The following PDE3B variants were observed in gnomAD, a reference collection of about 807,000 sequenced individuals.
The protein encoded by PDE3B is cGMP-inhibited 3',5'-cyclic phosphodiesterase 3B.
PDE3B carries 66 observed loss-of-function variants against 116.8 expected under a neutral mutation model. That is an observed-to-expected ratio of 0.56 (90% CI 0.46 to 0.69). PDE3B has a LOEUF of 0.69. PDE3B is among the 30% of genes least tolerant of loss of function. The pLI is 0.00. For synonymous variants in PDE3B, 595 were observed against 533.6 expected (o/e 1.12, Z -1.59); for missense variants, 1,384 against 1,368.1 (o/e 1.01, Z -0.18).
chr11:14,670,876 AT>A (rs967592201), intron 1 of PDE3B, among the ~76,000 whole-genome samples: 103 of 145,582 alleles, frequency 7.1e-4, no homozygotes, highest in South Asian at 6.5e-3. Flanking sequence ...GATACGTATA[AT>A]TTTTTTTTTT....
chr11:14,734,320 C>T (rs1856540158), intron 1 of PDE3B, among the ~76,000 whole-genome samples: 1 of 152,204 alleles, frequency 6.6e-6, no homozygotes, highest in African/African-American at 2.4e-5. Flanking sequence ...CGCCTCCAGC[C>T]TCCAGCTCCC....
intron 1 of PDE3B, among the ~76,000 whole-genome samples, chr11:14,657,744 TTAATG>T (rs1453462528): frequency 2.0e-5 from 3 of 152,172 alleles, no homozygotes; most frequent in Non-Finnish European, 2.9e-5. Context: ...TCTTAGGAGT[TTAATG>T]TAAGATAAAA....
intron 1 of PDE3B, among the ~76,000 whole-genome samples, chr11:14,738,325 A>G (rs1281424940): frequency 6.6e-6 from 1 of 152,122 alleles, no homozygotes; most frequent in Non-Finnish European, 1.5e-5. Context: ...CTGGCGTGAG[A>G]TGGTATCTCA....
At chr11:14,842,666 T>G (rs1847499929) in intron 11 of PDE3B, among the ~76,000 whole-genome samples, 1 of 152,132 alleles carries the variant, frequency 6.6e-6, no homozygotes, top group African/African-American at 2.4e-5. Context: ...AGATGAGGAA[T>G]TAGAGGGTGT....
chr11:14,725,085 A>C (rs191216726), intron 1 of PDE3B, among the ~76,000 whole-genome samples: 1 of 152,336 alleles, frequency 6.6e-6, no homozygotes, highest in African/African-American at 2.4e-5. Context: ...CTAGAAGAGG[A>C]ACAAGGCTTT....
At chr11:14,734,789 T>G (rs1856554194) in intron 1 of PDE3B, among the ~76,000 whole-genome samples, 1 of 152,190 alleles carries the variant, frequency 6.6e-6, no homozygotes, top group South Asian at 2.1e-4. Flanking sequence ...ATCTCCTCTT[T>G]TTTTTTGTTA....
the PDE3B span, chr11:14,891,663 G>C: frequency 8.6e-7 from 1 of 1,161,262 alleles, no homozygotes; most frequent in African/African-American, 1.6e-5. Flanking sequence ...CTGAAGTGGC[G>C]GCGCGGCTGG....
At chr11:14,668,421 G>C (rs1170987804) in intron 1 of PDE3B, among the ~76,000 whole-genome samples, 2 of 151,948 alleles carry the variant, frequency 1.3e-5, no homozygotes, top group African/African-American at 4.8e-5. Context: ...TTTGCATTAT[G>C]TTAAACCCTG....
At chr11:14,726,051 C>T (rs1393795031) in intron 1 of PDE3B, among the ~76,000 whole-genome samples, 1 of 152,098 alleles carries the variant, frequency 6.6e-6, no homozygotes. Context: ...AGTATTATTC[C>T]AGACTTCAGG....
At chr11:14,791,942 T>A (rs1431763513) in intron 4 of PDE3B, among the ~76,000 whole-genome samples, 1 of 152,218 alleles carries the variant, frequency 6.6e-6, no homozygotes, top group Non-Finnish European at 1.5e-5. Context: ...AGAGTTGTTA[T>A]ACTCTATTTT....
At chr11:14,850,698 A>G (rs1473581390) in intron 12 of PDE3B, among the ~76,000 whole-genome samples, 1 of 152,188 alleles carries the variant, frequency 6.6e-6, no homozygotes, top group East Asian at 1.9e-4. Flanking sequence ...TGTACCTAGT[A>G]TAGCTGGTAA....
intron 1 of PDE3B, among the ~76,000 whole-genome samples, chr11:14,737,893 T>C (rs1856647075): frequency 6.6e-6 from 1 of 151,786 alleles, no homozygotes; most frequent in African/African-American, 2.4e-5. Context: ...CTTGGGGTAG[T>C]TTACTGAGAA....
At chr11:14,741,235 T>C (rs1195514531) in intron 1 of PDE3B, among the ~76,000 whole-genome samples, 1 of 152,126 alleles carries the variant, frequency 6.6e-6, no homozygotes, top group Non-Finnish European at 1.5e-5. Flanking sequence ...TGTCGGAGTC[T>C]AAGTCTCTTT....
At chr11:14,801,106 T>G (rs1304654990) in intron 4 of PDE3B, among the ~76,000 whole-genome samples, 1 of 152,168 alleles carries the variant, frequency 6.6e-6, no homozygotes, top group Non-Finnish European at 1.5e-5. Context: ...ACATGCTCCT[T>G]TAGCTCGGAT....
chr11:14,752,153 C>A (rs1282179062), intron 1 of PDE3B, among the ~76,000 whole-genome samples: 1 of 152,118 alleles, frequency 6.6e-6, no homozygotes. Context: ...TTCTAAGAGT[C>A]TTTAAAGGTT....
At chr11:14,656,967 A>G (rs2133755666) in intron 1 of PDE3B, among the ~76,000 whole-genome samples, 1 of 152,352 alleles carries the variant, frequency 6.6e-6, no homozygotes, top group South Asian at 2.1e-4. Flanking sequence ...AATTCTTTCA[A>G]CAGTGGTCAG....
chr11:14,723,978 A>C (rs555919824), intron 1 of PDE3B, among the ~76,000 whole-genome samples: 1 of 152,200 alleles, frequency 6.6e-6, no homozygotes, highest in Non-Finnish European at 1.5e-5. Context: ...AAAAGTTTTT[A>C]ACAGATATTA....
chr11:14,654,309 G>T (rs544822086), intron 1 of PDE3B, among the ~76,000 whole-genome samples: 61 of 152,192 alleles, frequency 4.0e-4, no homozygotes, highest in African/African-American at 1.3e-3. Flanking sequence ...TCAGAAAAGA[G>T]AAATGGCCTT....
intron 9 of PDE3B, 70 bp from the exon 10 acceptor site, chr11:14,832,652 A>G (rs1485867158): frequency 6.6e-6 from 4 of 603,204 alleles, no homozygotes; most frequent in Non-Finnish European, 1.2e-5. Flanking sequence ...ACAAATCACA[A>G]AAACATTATA....
Sources: gnomAD v4.1 joint callset for allele counts (sites outside exome capture counted in the v4.1 genomes callset) on GRCh38, gnomAD v4.1.1 for gene constraint, MANE v1.5 for transcripts, NCBI Gene and HGNC (gene_info 2026-07-23, HGNC 2026-07-21) for gene names.